KLHL32: variants seen among roughly 807,000 people sequenced by gnomAD.
KLHL32 encodes the protein kelch like family member 32.
Under a neutral mutation model 64.8 loss-of-function variants are expected in KLHL32, and 35 were observed. The ratio of observed to expected loss-of-function variants is 0.54; its 90% CI spans 0.41 to 0.72. The LOEUF (loss-of-function observed/expected upper bound fraction) is 0.72, where lower values mean the gene tolerates loss of function less well. Ranked by LOEUF, KLHL32 falls within the 30% of genes least tolerant of loss-of-function variation. The pLI is 0.00. For synonymous variants in KLHL32, 259 were observed against 281.0 expected (o/e 0.92, Z 0.78); for missense variants, 589 against 768.5 (o/e 0.77, Z 2.76).
intron 4 of KLHL32, among the ~76,000 whole-genome samples, chr6:97,052,542 C>T (rs914757690): frequency 1.3e-5 from 2 of 152,220 alleles, no homozygotes; most frequent in Admixed American, 1.3e-4. Flanking sequence ...CTTCTTTGCA[C>T]ACCCAGCAGG....
intron 7 of KLHL32, 89 bp downstream of exon 7, chr6:97,114,598 T>C: frequency 6.7e-7 from 1 of 1,483,300 alleles, no homozygotes; most frequent in Non-Finnish European, 9.3e-7. Flanking sequence ...TGGCCATGTG[T>C]AATTGAAAGA....
At chr6:97,057,555 CT>C (rs1788202695) in intron 4 of KLHL32, among the ~76,000 whole-genome samples, 2 of 145,648 alleles carry the variant, frequency 1.4e-5, no homozygotes, top group African/African-American at 5.2e-5. Flanking sequence ...TTACACCCCC[CT>C]CCCGCCCCCA....
At chr6:97,111,140 C>T (rs763914640) in intron 6 of KLHL32, among the ~76,000 whole-genome samples, 6 of 152,136 alleles carry the variant, frequency 3.9e-5, no homozygotes, top group African/African-American at 7.2e-5. Context: ...TCAGTTGCCC[C>T]AGGACTTTAT....
chr6:96,899,770 A>G, the KLHL32 span, among the ~76,000 whole-genome samples: 1 of 152,206 alleles, frequency 6.6e-6, no homozygotes, highest in Admixed American at 6.5e-5. Flanking sequence ...ATATAAATTA[A>G]CAGGAACTCT....
chr6:97,008,767 T>C (rs1384380631), intron 3 of KLHL32, among the ~76,000 whole-genome samples: 2 of 152,106 alleles, frequency 1.3e-5, no homozygotes, highest in Non-Finnish European at 2.9e-5. Flanking sequence ...TAGCATCCTT[T>C]CCCTCCAGCC....
chr6:97,040,166 T>G (rs895602260), intron 3 of KLHL32, among the ~76,000 whole-genome samples: 3 of 152,174 alleles, frequency 2.0e-5, no homozygotes, highest in African/African-American at 4.8e-5. Flanking sequence ...TGGTTTTGTT[T>G]TTTATGACTA....
At chr6:97,009,661 C>T (rs1780121020) in intron 3 of KLHL32, among the ~76,000 whole-genome samples, 1 of 152,114 alleles carries the variant, frequency 6.6e-6, no homozygotes, top group Non-Finnish European at 1.5e-5. Flanking sequence ...TTGTTTACTA[C>T]TTTGAATTCC....
At chr6:96,903,942 G>A in the KLHL32 span, among the ~76,000 whole-genome samples, 5 of 152,128 alleles carry the variant, frequency 3.3e-5, no homozygotes, top group African/African-American at 7.2e-5. Flanking sequence ...TAGCACTTCT[G>A]TCTGCCTTGA....
intron 3 of KLHL32, among the ~76,000 whole-genome samples, chr6:97,032,202 T>C (rs565584433): frequency 6.6e-6 from 1 of 152,304 alleles, no homozygotes; most frequent in African/African-American, 2.4e-5. Context: ...TTGAAATACA[T>C]AAGTAATACA....
intron 5 of KLHL32, among the ~76,000 whole-genome samples, chr6:97,066,392 C>T (rs1789746985): frequency 6.6e-6 from 1 of 152,186 alleles, no homozygotes; most frequent in African/African-American, 2.4e-5. Flanking sequence ...TTCCTCTATC[C>T]CATCAGATGG....
At chr6:96,974,170 G>T (rs536942112) in intron 2 of KLHL32, among the ~76,000 whole-genome samples, 5 of 152,078 alleles carry the variant, frequency 3.3e-5, no homozygotes, top group Non-Finnish European at 7.3e-5. Flanking sequence ...GTGTTGTTGT[G>T]CAGATTACAT....
At position 97,111,033 on chromosome 6, in the gene KLHL32, G is replaced by T. The variant is rs376709728; in HGVS notation, c.628-2750G>T. On this transcript the variant is annotated intron_variant, in intron 6 of 10. Coordinates refer to ENST00000369261, the MANE Select transcript of KLHL32 (RefSeq NM_052904.4). ...GAAAGATACCACAGAAAAGTCTTGG[G>T]GGGGGGGGGTCTTAGCCAACCACCT... Among the ~76,000 whole-genome samples, 69 of 151,172 alleles carry T rather than the reference G, an allele frequency of 4.6e-4. 2 individuals carry two copies. Among genetic ancestry groups the T allele is most frequent in the African/African-American group, 1.4e-3 (56 of 40,570 alleles).
At chr6:97,088,282 A>T (rs1274505498) in intron 6 of KLHL32, among the ~76,000 whole-genome samples, 3 of 152,214 alleles carry the variant, frequency 2.0e-5, no homozygotes, top group African/African-American at 7.2e-5. Flanking sequence ...CAGGTTCCAG[A>T]TGAAAGACAC....
rs575892879 is a variant in KLHL32, at chr6:96,971,091, T to C, written c.23+4008T>C. ...GTAGCCTAGTTAAGAAATGAGAATC[T>C]TTATCCCACTTAGTTGTTTTTAATA... is the stretch of plus-strand genomic sequence containing the variant. On this transcript the variant is annotated intron_variant, in intron 2 of 10. Coordinates refer to ENST00000369261, the MANE Select transcript of KLHL32 (RefSeq NM_052904.4). 1.4e-4 allele frequency among the ~76,000 whole-genome samples: 21 copies of C among 152,312 alleles called. No homozygotes were observed. In the South Asian group the frequency reaches 3.9e-3, roughly 29 times the overall value.
intron 6 of KLHL32, among the ~76,000 whole-genome samples, chr6:97,111,517 G>A (rs1296326362): frequency 6.6e-6 from 1 of 152,180 alleles, no homozygotes; most frequent in African/African-American, 2.4e-5. Flanking sequence ...AGTGAGTGCA[G>A]GACCTGGCAA....
intron 7 of KLHL32, 74 bp from the exon 8 acceptor site, chr6:97,127,330 T>A: frequency 8.1e-7 from 1 of 1,239,726 alleles, no homozygotes. Flanking sequence ...CTCCTTTAAT[T>A]GTATCTCATT....
chr6:97,028,246 T>G lies in KLHL32; in HGVS notation c.205-13246T>G, dbSNP rs889077065. On this transcript the variant is annotated intron_variant, in intron 3 of 10. Coordinates refer to ENST00000369261, the MANE Select transcript of KLHL32 (RefSeq NM_052904.4). ...ATATTTCTTACAAGTTCCTTGGCAA[T>G]ACCAATGCTGCTATTCCAGGGACCA... Among the ~76,000 whole-genome samples, 10 of 152,212 alleles carry G rather than the reference T, an allele frequency of 6.6e-5. 1 individual carries two copies. The highest frequency in any genetic ancestry group is 2.9e-5 in the Non-Finnish European group (2 of 68,004).
intron 3 of KLHL32, chr6:96,999,619 T>G: frequency 1.7e-6 from 1 of 600,988 alleles, no homozygotes; most frequent in Non-Finnish European, 2.1e-6. Context: ...TATTTTTCTC[T>G]GTGAAGCTAT....
chr6:97,132,713 C>A lies in KLHL32; in HGVS notation c.1667C>A (p.Ser556Ter). 1 of 1,613,018 alleles carries A rather than the reference C, an allele frequency of 6.2e-7. No homozygotes were observed. Among genetic ancestry groups the A allele is most frequent in the African/African-American group, 1.3e-5 (1 of 74,962 alleles). ...NGRIYLVGGYSIWTNEPLACI... is the reference protein window; with the variant it reads ...NGRIYLVGGY ...AGAATATATTTAGTTGGTGGATATTCAATTTGGACAAATGAGCCTCTGGCT... is the reference window on the plus strand; with the variant it reads ...AGAATATATTTAGTTGGTGGATATTAAATTTGGACAAATGAGCCTCTGGCT... The change falls in exon 10 of 11, where the codon TCA (serine) becomes TAA (stop). Residue 556 changes from serine to a stop codon, truncating the protein, a stop_gained. Transcript: ENST00000369261. LOFTEE classifies it high-confidence loss of function.
Sources: allele counts gnomAD v4.1 joint callset (sites outside exome capture counted in the v4.1 genomes callset), GRCh38; gene constraint gnomAD v4.1.1; transcripts MANE v1.5; gene names NCBI Gene and HGNC (gene_info 2026-07-23, HGNC 2026-07-21).